Variants in ATP2A2 observed in about 807,000 individuals in gnomAD.
ATP2A2 encodes sarcoplasmic/endoplasmic reticulum calcium ATPase 2.
Under a neutral mutation model 109.3 loss-of-function variants are expected in ATP2A2, and 14 were observed. The observed-to-expected ratio is 0.13, with a 90% confidence interval of 0.08 to 0.20. The LOEUF (loss-of-function observed/expected upper bound fraction) is 0.20, where lower values mean the gene tolerates loss of function less well. Among genes scored for constraint, ATP2A2 ranks in the 10% least tolerant of loss-of-function variants. The probability of loss-of-function intolerance (pLI) is 1.00; values close to 1 mark genes in which losing one functional copy is unlikely to be tolerated. For missense variants in ATP2A2, 657 were observed against 1,321.6 expected (o/e 0.50, Z 7.80); for synonymous variants, 506 against 490.9 (o/e 1.03, Z -0.41).
chr12:110,349,410 C>T lies in ATP2A2; in HGVS notation c.*2940C>T, dbSNP rs376964571. ...CCATCAGTGTCGCTTGTTGCCACCC[C>T]GTGCCTCCCTTGGCCTCTCTGAGCT... On this transcript the variant is annotated 3_prime_UTR_variant, in exon 20 of 20. Transcript: ENST00000539276. 22 of 985,572 alleles carry T rather than the reference C, an allele frequency of 2.2e-5. No homozygotes were observed. In the East Asian group the frequency reaches 1.0e-3, roughly 46 times the overall value. 61.1% of individuals were successfully genotyped at this position (985,572 alleles called of 1,614,324 possible).
chr12:110,327,558 A>G lies in ATP2A2; in HGVS notation c.636A>G (p.Thr212=), dbSNP rs753306264. The change falls in exon 8 of 20, where the codon ACA becomes ACG. Residue 212 remains threonine (T), a synonymous_variant. Transcript: ENST00000539276. This position sits in a 1 kb window ranked among gnomAD's most constrained non-coding sequence, Gnocchi z 4.4. ...QDKKNMLFSG[T]NIAAGKAMGV... is the part of the protein sequence containing the mutation. ...GTTCTCTACTTCTGTCCTAGGGTAC[A>G]AACATTGCTGCTGGGAAAGCTATGG... 3.1e-6 allele frequency: 5 copies of G among 1,613,802 alleles called. No individual in the cohort carries two copies. The African/African-American group carries it at 6.7e-5, about 22-fold the overall frequency.
rs1592863507 is a variant in ATP2A2, at chr12:110,342,341, C to T, written c.2211C>T (p.Asp737=). 6.2e-7 allele frequency: 1 copy of T among 1,614,244 alleles called. No individual in the cohort carries two copies. Among genetic ancestry groups the T allele is most frequent in the Non-Finnish European group, 8.5e-7 (1 of 1,180,040 alleles). ...KTASEMVLAD[D]NFSTIVAAVE... is the part of the protein sequence containing the mutation. ...CCTCTGAGATGGTCCTGGCGGATGA[C>T]AACTTCTCCACCATTGTGGCTGCCG... The change falls in exon 15 of 20, where the codon GAC becomes GAT. Residue 737 remains aspartate (D), a synonymous_variant. Transcript: ENST00000539276. This position sits in a 1 kb window ranked among gnomAD's most constrained non-coding sequence, Gnocchi z 4.6.
Position 110,339,271 on chromosome 12 carries a change from C to A in ATP2A2, c.1420-10C>A. Reference sequence around the variant, plus strand: ...CCACCCAGTAGTATCCATATTTGTTCCCTTTGTAGGTCATTAAACAGCTGA... The same window carrying A: ...CCACCCAGTAGTATCCATATTTGTTACCTTTGTAGGTCATTAAACAGCTGA... On this transcript the variant is annotated splice_polypyrimidine_tract_variant and intron_variant, in intron 11 of 19. Coordinates refer to ENST00000539276, the MANE Select transcript of ATP2A2 (RefSeq NM_170665.4). The surrounding 1 kb of genome is among the most constrained non-coding windows in gnomAD (Gnocchi z 4.4). The A allele has an allele frequency of 1.2e-6, 2 of 1,613,722 alleles. No individual in the cohort carries two copies. The highest frequency in any genetic ancestry group is 2.2e-5 in the South Asian group (2 of 90,790).
intron 3 of ATP2A2, among the ~76,000 whole-genome samples, chr12:110,289,048 G>C (rs1433946555): frequency 2.0e-5 from 3 of 152,208 alleles, no homozygotes; most frequent in Non-Finnish European, 4.4e-5. Context: ...TTGGGCTGTA[G>C]TATTTTAAAG....
Position 110,350,101 on chromosome 12 carries a change from T to C in ATP2A2, c.*3631T>C, listed in dbSNP as rs1344869610. On this transcript the variant is annotated 3_prime_UTR_variant, in exon 20 of 20. Transcript: ENST00000539276. ...GAGTCTGTGTCACTGAGCCAGTGCT[T>C]CTAGATGCTACCCTGTGTGGGCGGC... 1 of 1,471,858 alleles carries C rather than the reference T, an allele frequency of 6.8e-7. No individual in the cohort carries two copies. The allele number at this position is 1,471,858 out of a possible 1,614,324, so 91.2% of individuals were successfully genotyped here. A position where few individuals can be genotyped will look rare whatever the true frequency, so the allele number is the denominator to read the frequency against.
At chr12:110,314,908 C>T (rs1341096713) in intron 5 of ATP2A2, among the ~76,000 whole-genome samples, 4 of 151,312 alleles carry the variant, frequency 2.6e-5, no homozygotes, top group Non-Finnish European at 5.9e-5. Flanking sequence ...GCTCTGTCGC[C>T]CAGGCTGGAG....
rs1296960117 is a variant in ATP2A2, at chr12:110,347,620, T to C, written c.*1150T>C. The C allele has an allele frequency of 6.6e-6, 8 of 1,210,604 alleles. No individual in the cohort carries two copies. The East Asian group carries it at 4.6e-4, about 70-fold the overall frequency. 75.0% of individuals were successfully genotyped at this position (1,210,604 alleles called of 1,614,324 possible). ...AATCTGTAAATAGCACATGACCAAA[T>C]GAACATATTGTATAGAACTATTTTT... On this transcript the variant is annotated 3_prime_UTR_variant, in exon 20 of 20. Coordinates refer to ENST00000539276, the MANE Select transcript of ATP2A2 (RefSeq NM_170665.4).
In ATP2A2 at chr12:110,349,369, G is replaced by A; in HGVS notation, c.*2899G>A. ...TTCCACATTCTTTCCTGATGGGCAG[G>A]TGGCTGAAGGCCCAGCCATCAGTGT... On this transcript the variant is annotated 3_prime_UTR_variant, in exon 20 of 20. Coordinates refer to ENST00000539276, the MANE Select transcript of ATP2A2 (RefSeq NM_170665.4). 2.0e-6 allele frequency: 2 copies of A among 985,500 alleles called. No individual in the cohort carries two copies. The highest frequency in any genetic ancestry group is 2.4e-6 in the Non-Finnish European group (2 of 829,984). The allele number at this position is 985,500 out of a possible 1,614,324, so 61.0% of individuals were successfully genotyped here. A position where few individuals can be genotyped will look rare whatever the true frequency, so the allele number is the denominator to read the frequency against.
Position 110,348,771 on chromosome 12 carries a change from G to C in ATP2A2, c.*2301G>C, listed in dbSNP as rs1880124712. The C allele has an allele frequency of 1.0e-6, 1 of 985,516 alleles. No individual in the cohort carries two copies. The highest frequency in any genetic ancestry group is 1.7e-5 in the African/African-American group (1 of 57,336). 61.0% of individuals were successfully genotyped at this position (985,516 alleles called of 1,614,324 possible). A position where few individuals can be genotyped will look rare whatever the true frequency, so the allele number is the denominator to read the frequency against. ...GGCAGCTGTGGCTCTCGGGAAGGGA[G>C]GCTGCTTTGCCCAGCAGGGAACATT... On this transcript the variant is annotated 3_prime_UTR_variant, in exon 20 of 20. Coordinates refer to ENST00000539276, the MANE Select transcript of ATP2A2 (RefSeq NM_170665.4).
chr12:110,288,571 AT>A (rs1272305620), intron 3 of ATP2A2, among the ~76,000 whole-genome samples: 16 of 151,838 alleles, frequency 1.1e-4, no homozygotes, highest in African/African-American at 3.9e-4. Context: ...CACTCGGCTA[AT>A]TTTTTGTATT....
In ATP2A2 at chr12:110,296,628, C is replaced by T. The variant is rs769560967; in HGVS notation, c.354C>T (p.Ala118=). ...GAAATGCTGAAAATGCCATCGAAGC[C>T]CTTAAGGAATATGAGCCTGAAATGG... is the stretch of plus-strand genomic sequence containing the variant. ...QERNAENAIE[A]LKEYEPEMGK... is the part of the protein sequence containing the mutation. The change falls in exon 5 of 20, where the codon GCC becomes GCT. Residue 118 remains alanine (A), a synonymous_variant. Coordinates refer to ENST00000539276, the MANE Select transcript of ATP2A2 (RefSeq NM_170665.4). 1 of 1,613,994 alleles carries T rather than the reference C, an allele frequency of 6.2e-7. No homozygotes were observed. The highest frequency in any genetic ancestry group is 8.5e-7 in the Non-Finnish European group (1 of 1,180,014).
intron 6 of ATP2A2, among the ~76,000 whole-genome samples, chr12:110,323,320 G>A (rs1877437226): frequency 6.6e-6 from 1 of 152,150 alleles, no homozygotes; most frequent in African/African-American, 2.4e-5. Context: ...AAGTAGCTGG[G>A]ACTACAGGCT....
chr12:110,323,142 C>T lies in ATP2A2; in HGVS notation c.544+70C>T, dbSNP rs769447833. 7.9e-6 allele frequency: 9 copies of T among 1,144,546 alleles called. No individual in the cohort carries two copies. The South Asian group carries it at 8.6e-5, about 11-fold the overall frequency. 70.9% of individuals were successfully genotyped at this position (1,144,546 alleles called of 1,614,324 possible). A position where few individuals can be genotyped will look rare whatever the true frequency, so the allele number is the denominator to read the frequency against. ...ATATTCCATGCCAATAGAGTTGGCT[C>T]TTGCCTCACTGTCCCTTTATGGTAT... On this transcript the variant is annotated intron_variant, in intron 6 of 19. Transcript: ENST00000539276.
Position 110,327,745 on chromosome 12 carries a change from A to G in ATP2A2, c.823A>G (p.Asn275Asp). The change falls in exon 8 of 20, where the codon AAT becomes GAT. Residue 275 changes from asparagine to aspartate, a missense_variant. Asn to Asp is a conservative substitution (Grantham distance 23). Around this residue, in one of 9 missense-constraint regions of ATP2A2, gnomAD observed 136 missense variants for 343.9 expected, o/e 0.40. Transcript: ENST00000539276. This position sits in a 1 kb window ranked among gnomAD's most constrained non-coding sequence, Gnocchi z 4.4. ...SLICIAVWII[N>D]IGHFNDPVHG... ...TATTTGCATTGCAGTCTGGATCATA[A>G]ATATTGGGCACTTCAATGACCCGGT... 6.2e-7 allele frequency: 1 copy of G among 1,614,152 alleles called. No homozygotes were observed. The highest frequency in any genetic ancestry group is 8.5e-7 in the Non-Finnish European group (1 of 1,180,026).
At position 110,350,478 on chromosome 12, in the gene ATP2A2, T is replaced by G; in HGVS notation, c.*4008T>G. 1 of 992,290 alleles carries G rather than the reference T, an allele frequency of 1.0e-6. No homozygotes were observed. Among genetic ancestry groups the G allele is most frequent in the Middle Eastern group, 2.1e-4 (1 of 4,678 alleles). 61.5% of individuals were successfully genotyped at this position (992,290 alleles called of 1,614,324 possible). On this transcript the variant is annotated 3_prime_UTR_variant, in exon 20 of 20. Coordinates refer to ENST00000539276, the MANE Select transcript of ATP2A2 (RefSeq NM_170665.4). ...AGGAAATGTGTATTACCAATGGGGTTGTTAGCTTTTAAATCAAAATACTGA... is the reference window on the plus strand; with the variant it reads ...AGGAAATGTGTATTACCAATGGGGTGGTTAGCTTTTAAATCAAAATACTGA...
chr12:110,323,549 C>G (rs1592840430), intron 6 of ATP2A2, among the ~76,000 whole-genome samples: 1 of 152,126 alleles, frequency 6.6e-6, no homozygotes, highest in Admixed American at 6.6e-5. Context: ...GTGGCTCATG[C>G]ATGTAATTCC....
chr12:110,316,216 A>G lies in ATP2A2; in HGVS notation c.464-6776A>G, dbSNP rs3026458. On this transcript the variant is annotated intron_variant, in intron 5 of 19. Transcript: ENST00000539276. ...GTTATGTAAATGGAGTCTGGTTGTC[A>G]TTCTAGACATTTTTTGTCTTCTGAC... 8.8e-3 allele frequency among the ~76,000 whole-genome samples: 1,341 copies of G among 152,314 alleles called. 83 individuals are homozygous for G. The highest frequency in any genetic ancestry group is 0.079 in the Admixed American group (1,212 of 15,294).
chr12:110,311,623 C>A (rs1275133777), intron 5 of ATP2A2, among the ~76,000 whole-genome samples: 116 of 61,622 alleles, frequency 1.9e-3, no homozygotes, highest in Middle Eastern at 0.019. Flanking sequence ...AAAAAAAAAA[C>A]GCTGGGATTA....
rs1050805126 is a variant in ATP2A2 at position 110,340,519 on chromosome 12, CAA to C, written c.1762-139_1762-138del. 11 of 949,514 alleles carry C rather than the reference CAA, an allele frequency of 1.2e-5. No individual in the cohort carries two copies. In the African/African-American group the frequency reaches 1.6e-4, roughly 14 times the overall value. 58.8% of individuals were successfully genotyped at this position (949,514 alleles called of 1,614,324 possible). On this transcript the variant is annotated intron_variant, in intron 13 of 19. Transcript: ENST00000539276. This position sits in a 1 kb window ranked among gnomAD's most constrained non-coding sequence, Gnocchi z 6.0. Reference sequence around the variant, plus strand: ...CGCCATGGCACTCCAGCCTGGGCAACAAGAGCGAAACTCCGCCTCAAAAAAAA... The same window carrying C: ...CGCCATGGCACTCCAGCCTGGGCAACGAGCGAAACTCCGCCTCAAAAAAAA...
Sources: gnomAD v4.1 joint callset for allele counts (sites outside exome capture counted in the v4.1 genomes callset) on GRCh38, gnomAD v4.1.1 for gene constraint, gnomAD v4.1.1 regional missense constraint, Gnocchi (gnomAD v3.1) non-coding constraint, MANE v1.5 for transcripts, NCBI Gene and HGNC (gene_info 2026-07-23, HGNC 2026-07-21) for gene names.